PACRG: variants seen among roughly 807,000 people sequenced by gnomAD.
The protein encoded by PACRG is parkin coregulated gene protein.
A neutral mutation model predicts 29.7 loss-of-function variants in PACRG; 29 were observed. That is an observed-to-expected ratio of 0.98 (90% CI 0.73 to 1.33). The LOEUF (loss-of-function observed/expected upper bound fraction) is 1.33, where lower values mean the gene tolerates loss of function less well. PACRG is among the 40% of genes most tolerant of loss of function. PACRG has a pLI of 0.00. For synonymous variants in PACRG, 116 were observed against 118.7 expected, an observed-to-expected ratio of 0.98 and a Z score of 0.15; for missense variants, 279 against 316.2, an observed-to-expected ratio of 0.88 and a Z score of 0.89.
intron 2 of PACRG, among the ~76,000 whole-genome samples, chr6:162,909,192 T>C (rs1053592092): frequency 6.6e-6 from 1 of 152,156 alleles, no homozygotes; most frequent in Non-Finnish European, 1.5e-5. Context: ...CTCTTTCTCA[T>C]AACAAAGGCT....
chr6:162,909,902 G>A (rs890069804), intron 2 of PACRG, among the ~76,000 whole-genome samples: 2 of 152,160 alleles, frequency 1.3e-5, no homozygotes, highest in African/African-American at 2.4e-5. Flanking sequence ...GATTTGAATC[G>A]GTTTTACACT....
chr6:163,149,996 G>T (rs1042006152), intron 4 of PACRG, among the ~76,000 whole-genome samples: 1 of 152,162 alleles, frequency 6.6e-6, no homozygotes, highest in African/African-American at 2.4e-5. Context: ...TTTTCCCTGC[G>T]GGACTGTCTA....
intron 4 of PACRG, among the ~76,000 whole-genome samples, chr6:163,145,568 G>C (rs899318756): frequency 6.6e-6 from 1 of 152,194 alleles, no homozygotes; most frequent in Non-Finnish European, 1.5e-5. Context: ...GGGATGTTTG[G>C]TTGCTCCCAG....
chr6:162,980,538 C>CT (rs1024345502), intron 2 of PACRG, among the ~76,000 whole-genome samples: 1 of 152,050 alleles, frequency 6.6e-6, no homozygotes, highest in African/African-American at 2.4e-5. Flanking sequence ...CATTTGTTGG[C>CT]TTTTTTGCTT....
At chr6:163,206,532 G>T (rs1448958947) in intron 4 of PACRG, among the ~76,000 whole-genome samples, 2 of 152,040 alleles carry the variant, frequency 1.3e-5, no homozygotes, top group South Asian at 2.1e-4. Flanking sequence ...AGAACAACAG[G>T]CTTCAGGGAT....
intron 1 of PACRG, among the ~76,000 whole-genome samples, chr6:162,771,873 T>C (rs1783248989): frequency 6.6e-6 from 1 of 152,122 alleles, no homozygotes; most frequent in Non-Finnish European, 1.5e-5. Context: ...TGGAGGTAAG[T>C]GGAGCTCCTC....
At chr6:163,098,474 C>T (rs1814800983) in intron 4 of PACRG, among the ~76,000 whole-genome samples, 1 of 152,196 alleles carries the variant, frequency 6.6e-6, no homozygotes, top group Non-Finnish European at 1.5e-5. Context: ...ATCTGCCTTG[C>T]TGGGTAGAGG....
At chr6:162,915,967 G>A (rs1352322259) in intron 2 of PACRG, among the ~76,000 whole-genome samples, 1 of 152,110 alleles carries the variant, frequency 6.6e-6, no homozygotes, top group African/African-American at 2.4e-5. Flanking sequence ...ACATTACCCA[G>A]ATAGGAATCA....
intron 2 of PACRG, among the ~76,000 whole-genome samples, chr6:163,050,205 GT>G (rs1473270719): frequency 6.6e-6 from 1 of 151,766 alleles, no homozygotes; most frequent in Non-Finnish European, 1.5e-5. Flanking sequence ...AGCTGGTACT[GT>G]TTTTTTCATT....
chr6:162,985,033 A>G (rs960980442), intron 2 of PACRG, among the ~76,000 whole-genome samples: 4 of 151,992 alleles, frequency 2.6e-5, no homozygotes, highest in African/African-American at 9.7e-5. Context: ...GAACAGGCCA[A>G]TAACAAGCAG....
At chr6:163,092,651 T>C (rs181183709) in intron 4 of PACRG, among the ~76,000 whole-genome samples, 18 of 152,294 alleles carry the variant, frequency 1.2e-4, no homozygotes, top group African/African-American at 4.1e-4. Flanking sequence ...ATCATCAATT[T>C]TTCTGTCTAC....
chr6:162,985,420 T>C (rs1367850919), intron 2 of PACRG, among the ~76,000 whole-genome samples: 1 of 152,056 alleles, frequency 6.6e-6, no homozygotes, highest in African/African-American at 2.4e-5. Context: ...TCAGTAACTG[T>C]GATAAACCAC....
chr6:162,994,835 C>A (rs984358765), intron 2 of PACRG, among the ~76,000 whole-genome samples: 4 of 151,066 alleles, frequency 2.6e-5, no homozygotes, highest in Admixed American at 6.6e-5. Context: ...TAGAGTTTCC[C>A]GTTTTTCTGT....
chr6:163,160,991 T>C (rs978184579), intron 4 of PACRG, among the ~76,000 whole-genome samples: 10 of 152,232 alleles, frequency 6.6e-5, no homozygotes, highest in Admixed American at 3.3e-4. Flanking sequence ...CCAGAGCTAC[T>C]GCACGCCCAA....
chr6:162,949,448 G>T (rs768530885), intron 2 of PACRG, among the ~76,000 whole-genome samples: 1 of 152,116 alleles, frequency 6.6e-6, no homozygotes, highest in South Asian at 2.1e-4. Flanking sequence ...TAGCAGAGTA[G>T]GGTGACTATA....
intron 4 of PACRG, among the ~76,000 whole-genome samples, chr6:163,137,772 C>G (rs1044797155): frequency 7.9e-5 from 12 of 152,260 alleles, no homozygotes; most frequent in African/African-American, 2.9e-4. Context: ...GATGGAGAAA[C>G]TGCTCCGGGA....
intron 4 of PACRG, among the ~76,000 whole-genome samples, chr6:163,269,867 G>GAGAAAGAGAAAGAAAGAA (rs1783686892): frequency 3.5e-5 from 2 of 56,766 alleles, no homozygotes; most frequent in African/African-American, 8.2e-5. Flanking sequence ...GAGAAAGAAA[G>GAGAAAGAGAAAGAAAGAA]AGAAAGAAAG....
chr6:162,913,398 T>C (rs1796451487), intron 2 of PACRG, among the ~76,000 whole-genome samples: 2 of 152,316 alleles, frequency 1.3e-5, no homozygotes, highest in East Asian at 1.9e-4. Flanking sequence ...AGTTCATTCT[T>C]TTTTATTGCT....
chr6:163,003,089 C>T (rs1414773656), intron 2 of PACRG, among the ~76,000 whole-genome samples: 1 of 152,186 alleles, frequency 6.6e-6, no homozygotes, highest in African/African-American at 2.4e-5. Context: ...TAGTTTTCTT[C>T]ATTCTCACCA....
Sources: allele counts gnomAD v4.1 joint callset (sites outside exome capture counted in the v4.1 genomes callset), GRCh38; gene constraint gnomAD v4.1.1; transcripts MANE v1.5; gene names NCBI Gene and HGNC (gene_info 2026-07-23, HGNC 2026-07-21).